Variants in VMA12 observed in about 807,000 individuals in gnomAD.
The protein encoded by VMA12 is vacuolar ATPase assembly protein VMA12.
At chr17:28,363,076 C>T in the VMA12 span, 1 of 152,172 alleles carries the variant, frequency 6.6e-6, no homozygotes, top group Non-Finnish European at 1.5e-5. Context: ...AAGCCCTTTA[C>T]CTACATTATT....
At chr17:28,361,880 G>C in the VMA12 span, 1 of 153,032 alleles carries the variant, frequency 6.5e-6, no homozygotes, top group African/African-American at 2.4e-5. Flanking sequence ...GACTCATAGA[G>C]ATTAAATGAT....
chr17:28,358,523 A>G, the VMA12 span: 1 of 475,422 alleles, frequency 2.1e-6, no homozygotes, highest in South Asian at 1.5e-5. Context: ...TAGACTGCTC[A>G]ATTATTAGAA....
chr17:28,360,445 G>A, the VMA12 span: 3 of 1,158,240 alleles, frequency 2.6e-6, no homozygotes, highest in South Asian at 1.3e-5. Flanking sequence ...ATATGTTGGG[G>A]AATAGAGAGG....
At chr17:28,360,347 A>G in the VMA12 span, 9 of 582,748 alleles carry the variant, frequency 1.5e-5, no homozygotes, top group African/African-American at 1.7e-4. Flanking sequence ...CTGGCAGCCT[A>G]TGTCCTCTCT....
chr17:28,360,569 A>C, the VMA12 span: 1 of 1,614,202 alleles, frequency 6.2e-7, no homozygotes, highest in Non-Finnish European at 8.5e-7. Flanking sequence ...CTGGGAAAGC[A>C]AGGTGAGGTA....
At chr17:28,361,542 A>G in the VMA12 span, 1 of 382,132 alleles carries the variant, frequency 2.6e-6, no homozygotes, top group East Asian at 5.4e-5. Flanking sequence ...TTCATTCTAA[A>G]CACTGCTGGG....
At chr17:28,358,132 A>G in the VMA12 span, 3 of 542,594 alleles carry the variant, frequency 5.5e-6, no homozygotes, top group South Asian at 6.3e-5. Context: ...GGCCCAATTC[A>G]CCCTTGAGAA....
the VMA12 span, chr17:28,358,097 C>T: frequency 1.7e-6 from 1 of 584,994 alleles, no homozygotes. Flanking sequence ...TTTGAGAGCC[C>T]CCTCTTCACT....
chr17:28,359,025 A>T, the VMA12 span: 1 of 1,551,836 alleles, frequency 6.4e-7, no homozygotes, highest in African/African-American at 1.4e-5. Flanking sequence ...GTGGTTATTG[A>T]CTGAGTTGGG....
the VMA12 span, chr17:28,361,097 C>T: frequency 1.2e-5 from 19 of 1,527,084 alleles, no homozygotes; most frequent in African/African-American, 2.3e-4. Context: ...ATTAAAGTTG[C>T]TGGGGTACAG....
the VMA12 span, chr17:28,358,475 TGCCAGAAGTAACATAGACCA>T: frequency 2.1e-6 from 1 of 472,612 alleles, no homozygotes; most frequent in Admixed American, 2.3e-5. Flanking sequence ...TAAGGTATTT[TGCCAGAAGTAACATAGACCA>T]GCCAGAAGTG....
chr17:28,360,115 G>GCC, the VMA12 span: 1 of 172,664 alleles, frequency 5.8e-6, no homozygotes, highest in South Asian at 1.3e-4. Context: ...TTACAGGCAT[G>GCC]CACCACCACG....
the VMA12 span, chr17:28,358,386 T>C: frequency 2.1e-6 from 1 of 472,280 alleles, no homozygotes; most frequent in African/African-American, 2.0e-5. Flanking sequence ...CTGTCACTAA[T>C]CCTTTGAAGG....
At chr17:28,359,216 G>A in the VMA12 span, 3 of 1,290,012 alleles carry the variant, frequency 2.3e-6, no homozygotes, top group Non-Finnish European at 3.3e-6. Flanking sequence ...TGGGTCTCCT[G>A]ATACCTTTAG....
chr17:28,360,395 A>G, the VMA12 span: 1 of 819,558 alleles, frequency 1.2e-6, no homozygotes, highest in Non-Finnish European at 2.0e-6. Flanking sequence ...AAGAGTCAAA[A>G]TGGTTCCAGA....
the VMA12 span, chr17:28,360,849 T>C: frequency 1.9e-6 from 3 of 1,613,142 alleles, no homozygotes; most frequent in Non-Finnish European, 2.5e-6. Flanking sequence ...ATGGCCTCGG[T>C]GAGTAGGCAC....
the VMA12 span, chr17:28,362,649 AT>A: frequency 1.3e-5 from 2 of 152,206 alleles, no homozygotes; most frequent in African/African-American, 4.8e-5. Context: ...AAACGCAGAA[AT>A]TAGCTGACAT....
the VMA12 span, chr17:28,359,046 A>G: frequency 4.8e-6 from 7 of 1,452,206 alleles, no homozygotes; most frequent in Non-Finnish European, 6.6e-6. Context: ...CTTATCCATG[A>G]TACACTGAAC....
the VMA12 span, chr17:28,359,593 C>T: frequency 2.0e-6 from 1 of 507,452 alleles, no homozygotes; most frequent in Non-Finnish European, 3.4e-6. Flanking sequence ...GAGATGGTGA[C>T]CAAGTTTTAA....
Sources: allele counts gnomAD v4.1 joint callset, GRCh38; gene constraint gnomAD v4.1.1; transcripts MANE v1.5; gene names NCBI Gene and HGNC (gene_info 2026-07-23, HGNC 2026-07-21).